The following SNAP23 variants were observed in gnomAD, a reference collection of about 807,000 sequenced individuals.
The protein encoded by SNAP23 is synaptosome associated protein 23.
Under a neutral mutation model 29.0 loss-of-function variants are expected in SNAP23, and 11 were observed. That is an observed-to-expected ratio of 0.38 (90% confidence interval 0.24 to 0.63). The LOEUF (loss-of-function observed/expected upper bound fraction) is 0.63, where lower values mean the gene tolerates loss of function less well. SNAP23 is among the 20% of genes least tolerant of loss of function. The pLI is 0.58. For missense variants in SNAP23, 220 were observed against 253.9 expected, an observed-to-expected ratio of 0.87 and a Z score of 0.91; for synonymous variants, 60 against 82.9, an observed-to-expected ratio of 0.72 and a Z score of 1.50.
intron 1 of SNAP23, among the ~76,000 whole-genome samples, chr15:42,500,921 A>G (rs1341024444): frequency 1.3e-5 from 2 of 152,116 alleles, no homozygotes; most frequent in Non-Finnish European, 2.9e-5. Flanking sequence ...ACTGATTCCT[A>G]TGTTTTTCCA....
chr15:42,510,209 T>G (rs185033574), intron 1 of SNAP23, among the ~76,000 whole-genome samples: 3 of 151,936 alleles, frequency 2.0e-5, no homozygotes, highest in Non-Finnish European at 2.9e-5. Flanking sequence ...GATCTTGACT[T>G]ACTTCAGCCT....
intron 4 of SNAP23, 42 bp from the exon 5 acceptor site, chr15:42,515,193 CTG>C (rs1423222069): frequency 3.3e-6 from 4 of 1,217,596 alleles, no homozygotes; most frequent in South Asian, 1.3e-5. Flanking sequence ...CTGGTTGACA[CTG>C]TGAATGGAAC....
chr15:42,527,355 C>T (rs772440133), intron 5 of SNAP23, among the ~76,000 whole-genome samples: 9 of 151,824 alleles, frequency 5.9e-5, no homozygotes, highest in Non-Finnish European at 1.0e-4. Context: ...GCTGGAACTA[C>T]GCTGGTTCAA....
At position 42,529,752 on chromosome 15, in the gene SNAP23, A is replaced by T. The variant is rs200522839; in HGVS notation, c.503A>T (p.Asp168Val). Residue 168 changes from aspartate (D) to valine (V), a missense_variant, in exon 7 of 8, where the codon GAC becomes GTC. Coordinates refer to ENST00000249647, the MANE Select transcript of SNAP23 (RefSeq NM_003825.4). ...QVGSILGNLK[D>V]MALNIGNEID... Reference sequence around the variant, plus strand: ...GGCAGTATCCTGGGAAATCTAAAAGACATGGCCCTGAACATAGGCAATGAG... The same window carrying T: ...GGCAGTATCCTGGGAAATCTAAAAGTCATGGCCCTGAACATAGGCAATGAG... The T allele has an allele frequency of 1.1e-5, 17 of 1,614,042 alleles. No homozygotes were observed. The highest frequency in any genetic ancestry group is 7.6e-6 in the Non-Finnish European group (9 of 1,180,012).
chr15:42,508,134 A>T (rs1472661301), intron 1 of SNAP23, among the ~76,000 whole-genome samples: 3 of 151,848 alleles, frequency 2.0e-5, no homozygotes, highest in African/African-American at 7.3e-5. Flanking sequence ...GGCATGATGC[A>T]TGCACCTGTA....
intron 1 of SNAP23, among the ~76,000 whole-genome samples, chr15:42,497,026 C>G (rs2057224968): frequency 6.7e-6 from 1 of 150,088 alleles, no homozygotes; most frequent in African/African-American, 2.5e-5. Context: ...GCCCCTGGCC[C>G]CTTTCTTTCT....
chr15:42,503,014 C>T (rs1305549757), intron 1 of SNAP23, among the ~76,000 whole-genome samples: 1 of 152,132 alleles, frequency 6.6e-6, no homozygotes. Flanking sequence ...CATTTAAACT[C>T]CTGGGCTCAG....
At chr15:42,518,811 C>T (rs1194345476) in intron 5 of SNAP23, among the ~76,000 whole-genome samples, 2 of 152,156 alleles carry the variant, frequency 1.3e-5, no homozygotes, top group Non-Finnish European at 2.9e-5. Context: ...GTAACCTGAA[C>T]TGAAGCTATG....
At chr15:42,531,032 C>A (rs1354711048) in intron 7 of SNAP23, among the ~76,000 whole-genome samples, 2 of 152,154 alleles carry the variant, frequency 1.3e-5, no homozygotes, top group African/African-American at 4.8e-5. Context: ...AGATGAGATT[C>A]TATGATTCAG....
At chr15:42,491,901 T>TTTATTTAG (rs1555433008), upstream of SNAP23, among the ~76,000 whole-genome samples, 1,582 of 146,950 alleles carry the variant, frequency 0.011, 30 homozygotes, top group African/African-American at 0.038. Flanking sequence ...TATTTATTTA[T>TTTATTTAG]TTAGTTAGTT....
chr15:42,497,139 G>A (rs1271262724), intron 1 of SNAP23, among the ~76,000 whole-genome samples: 3 of 148,966 alleles, frequency 2.0e-5, no homozygotes, highest in Non-Finnish European at 4.4e-5. Context: ...AACACTTCAA[G>A]CGATTCTCCT....
In SNAP23 at chr15:42,532,596, A is replaced by G. The variant is rs905717052; in HGVS notation, c.*1118A>G. The G allele has an allele frequency of 6.5e-6, 1 of 152,674 alleles. No homozygotes were observed. Among genetic ancestry groups the G allele is most frequent in the African/African-American group, 2.4e-5 (1 of 41,464 alleles). The allele number at this position is 152,674 out of a possible 1,614,324, so 9.5% of individuals were successfully genotyped here. A position where few individuals can be genotyped will look rare whatever the true frequency, so the allele number is the denominator to read the frequency against. On this transcript the variant is annotated 3_prime_UTR_variant, in exon 8 of 8. Transcript: ENST00000249647. ...CTTTGAAGAAAAAATATGTAAATATATATGTGTAACATGAGAATTTCTCTC... is the reference window on the plus strand; with the variant it reads ...CTTTGAAGAAAAAATATGTAAATATGTATGTGTAACATGAGAATTTCTCTC...
intron 5 of SNAP23, chr15:42,521,744 G>A: frequency 1.5e-6 from 1 of 682,378 alleles, no homozygotes; most frequent in Non-Finnish European, 2.6e-6. Context: ...GCATGTGCAT[G>A]GATTTTGTGA....
chr15:42,515,252 T>C lies in SNAP23; in HGVS notation c.164T>C (p.Ile55Thr). The C allele has an allele frequency of 6.2e-7, 1 of 1,603,754 alleles. No homozygotes were observed. Among genetic ancestry groups the C allele is most frequent in the African/African-American group, 1.3e-5 (1 of 74,376 alleles). Reference sequence around the variant, plus strand: ...TTATTCTTAGAACAACTAAACCGCATAGAAGAAGGCTTGGACCAAATAAAT... The same window carrying C: ...TTATTCTTAGAACAACTAAACCGCACAGAAGAAGGCTTGGACCAAATAAAT... ...LDEQKEQLNR[I>T]EEGLDQINKD... Residue 55 changes from isoleucine (I) to threonine (T), a missense_variant, in exon 5 of 8, where the codon ATA becomes ACA. Transcript: ENST00000249647.
upstream of SNAP23, among the ~76,000 whole-genome samples, chr15:42,494,387 T>G (rs1216651730): frequency 6.7e-6 from 1 of 149,838 alleles, no homozygotes; most frequent in Non-Finnish European, 1.5e-5. Context: ...TACTTACTCC[T>G]TGAAGCACTT....
intron 1 of SNAP23, among the ~76,000 whole-genome samples, chr15:42,508,163 G>A (rs752026215): frequency 7.9e-5 from 12 of 151,492 alleles, no homozygotes; most frequent in East Asian, 1.9e-4. Context: ...TATTCAGGGG[G>A]CTAAATGGGA....
chr15:42,524,521 A>G (rs956240704), intron 5 of SNAP23, among the ~76,000 whole-genome samples: 15 of 152,142 alleles, frequency 9.9e-5, no homozygotes, highest in African/African-American at 2.2e-4. Context: ...CCTATTGTGA[A>G]CTGTGCATGT....
intron 5 of SNAP23, among the ~76,000 whole-genome samples, chr15:42,523,826 G>A (rs1340376642): frequency 1.3e-5 from 2 of 151,724 alleles, no homozygotes; most frequent in Non-Finnish European, 2.9e-5. Flanking sequence ...TTGTTTGTTT[G>A]TTTATTTTTA....
chr15:42,498,111 T>TTCAATGCCTGAGC (rs1179509176), intron 1 of SNAP23, among the ~76,000 whole-genome samples: 3 of 152,184 alleles, frequency 2.0e-5, no homozygotes, highest in Non-Finnish European at 4.4e-5. Context: ...GCCTGAGGCT[T>TTCAATGCCTGAGC]TTCCAGGTTC....
Sources: gnomAD v4.1 joint callset for allele counts (sites outside exome capture counted in the v4.1 genomes callset) on GRCh38, gnomAD v4.1.1 for gene constraint, MANE v1.5 for transcripts, NCBI Gene and HGNC (gene_info 2026-07-23, HGNC 2026-07-21) for gene names.